ZNF236: variants seen among roughly 807,000 people sequenced by gnomAD.
The protein encoded by ZNF236 is regulated by glucose.
Under a neutral mutation model 191.2 loss-of-function variants are expected in ZNF236, and 50 were observed. The ratio of observed to expected loss-of-function variants is 0.26; its 90% confidence interval spans 0.21 to 0.33. ZNF236 has a LOEUF of 0.33. Among genes scored for constraint, ZNF236 ranks in the 10% least tolerant of loss-of-function variants. The probability of loss-of-function intolerance (pLI) is 1.00; values close to 1 mark genes in which losing one functional copy is unlikely to be tolerated. For synonymous variants in ZNF236, 907 were observed against 928.8 expected (o/e 0.98, Z 0.43); for missense variants, 1,754 against 2,374.5 (o/e 0.74, Z 5.43).
chr18:76,935,088 T>C (rs1272200326), intron 25 of ZNF236, among the ~76,000 whole-genome samples: 2 of 152,250 alleles, frequency 1.3e-5, no homozygotes, highest in Non-Finnish European at 2.9e-5. Context: ...GGGATCTTCA[T>C]TTTCATGCTA....
At chr18:76,871,631 A>G in intron 4 of ZNF236, 70 bp from the exon 5 acceptor site, 1 of 1,584,230 alleles carries the variant, frequency 6.3e-7, no homozygotes, top group Non-Finnish European at 8.6e-7. Context: ...TTCTGGTAGG[A>G]TTTTCATTTT....
At chr18:76,920,551 CA>C (rs36013690) in intron 20 of ZNF236, among the ~76,000 whole-genome samples, 9 of 142,126 alleles carry the variant, frequency 6.3e-5, no homozygotes, top group African/African-American at 7.8e-5. Context: ...AACTCCGTCT[CA>C]AAAAAAAAAA....
In ZNF236 at chr18:76,960,641, T is replaced by C. The variant is rs1568248970; in HGVS notation, c.5243-38T>C. The C allele has an allele frequency of 1.2e-6, 2 of 1,613,436 alleles. No individual in the cohort carries two copies. Among genetic ancestry groups the C allele is most frequent in the South Asian group, 2.2e-5 (2 of 91,042 alleles). On this transcript the variant is annotated intron_variant, in intron 29 of 30. Transcript: ENST00000320610. The surrounding 1 kb of genome is among the most constrained non-coding windows in gnomAD (Gnocchi z 4.4). Reference sequence around the variant, plus strand: ...GTAGAGCCCAGGCATCCACTATACTTTTCTTAGAGACATTGACATATGCCA... The same window carrying C: ...GTAGAGCCCAGGCATCCACTATACTCTTCTTAGAGACATTGACATATGCCA...
intron 27 of ZNF236, among the ~76,000 whole-genome samples, chr18:76,948,133 T>C (rs1968312351): frequency 6.6e-6 from 1 of 152,126 alleles, no homozygotes; most frequent in Non-Finnish European, 1.5e-5. Flanking sequence ...TTAAAATACA[T>C]GTTTTTGGGA....
At chr18:76,851,012 C>G (rs968114315) in intron 2 of ZNF236, among the ~76,000 whole-genome samples, 1 of 147,850 alleles carries the variant, frequency 6.8e-6, no homozygotes, top group Non-Finnish European at 1.5e-5. Context: ...TGAATTTATA[C>G]GCAGCTTTTT....
chr18:76,959,097 G>A (rs1177079302), intron 28 of ZNF236, among the ~76,000 whole-genome samples: 1 of 152,254 alleles, frequency 6.6e-6, no homozygotes, highest in Admixed American at 6.5e-5. Flanking sequence ...CTGGCAAGTT[G>A]CCAATCACAA....
At position 76,972,696 on chromosome 18, in the gene ZNF236, T is replaced by C. The variant is rs1288866401; in HGVS notation, c.*4357T>C. 2.6e-5 allele frequency among the ~76,000 whole-genome samples: 4 copies of C among 152,182 alleles called. No individual in the cohort carries two copies. Among genetic ancestry groups the C allele is most frequent in the African/African-American group, 9.7e-5 (4 of 41,432 alleles). ...CTCAAGTGACATAGGGATTTGTTCT[T>C]GATTCACCACTAAAGAAAATTTTTA... On this transcript the variant is annotated 3_prime_UTR_variant, in exon 31 of 31. Transcript: ENST00000320610.
At chr18:76,890,788 T>C (rs781705477) in intron 9 of ZNF236, among the ~76,000 whole-genome samples, 1 of 152,206 alleles carries the variant, frequency 6.6e-6, no homozygotes, top group East Asian at 1.9e-4. Context: ...TTGTGAGCTA[T>C]ATTTGTGGGA....
chr18:76,890,354 T>C (rs981508836), intron 9 of ZNF236, among the ~76,000 whole-genome samples: 2 of 152,322 alleles, frequency 1.3e-5, no homozygotes, highest in Non-Finnish European at 2.9e-5. Context: ...GTCATCAATA[T>C]CAGGAAATTA....
intron 3 of ZNF236, among the ~76,000 whole-genome samples, chr18:76,852,273 G>A (rs573052287): frequency 2.0e-4 from 31 of 152,314 alleles, no homozygotes; most frequent in Non-Finnish European, 2.9e-4. Context: ...ATGGCCAAAA[G>A]TAACTTTTCT....
intron 3 of ZNF236, among the ~76,000 whole-genome samples, chr18:76,867,860 C>T (rs1201559141): frequency 6.6e-6 from 1 of 152,114 alleles, no homozygotes; most frequent in East Asian, 1.9e-4. Flanking sequence ...CCCAAACTAG[C>T]AGCTTAGCTA....
chr18:76,941,247 AT>A (rs1207771754), intron 26 of ZNF236, among the ~76,000 whole-genome samples: 2 of 152,162 alleles, frequency 1.3e-5, no homozygotes, highest in African/African-American at 4.8e-5. Context: ...TGACCCTGGG[AT>A]GCGCTGTGGC....
At chr18:76,931,800 A>G (rs1488029769) in intron 25 of ZNF236, among the ~76,000 whole-genome samples, 1 of 152,250 alleles carries the variant, frequency 6.6e-6, no homozygotes, top group Non-Finnish European at 1.5e-5. Context: ...AGTTTAGGAT[A>G]ACATACCTAT....
At chr18:76,932,002 T>C (rs764364195) in intron 25 of ZNF236, among the ~76,000 whole-genome samples, 1 of 152,220 alleles carries the variant, frequency 6.6e-6, no homozygotes, top group Non-Finnish European at 1.5e-5. Flanking sequence ...CCATAAAAGA[T>C]TATAGTGTCT....
At chr18:76,870,744 G>A (rs1368251310) in intron 4 of ZNF236, among the ~76,000 whole-genome samples, 2 of 152,040 alleles carry the variant, frequency 1.3e-5, no homozygotes, top group Non-Finnish European at 2.9e-5. Context: ...AGCCTTAGGG[G>A]ACCCACCTTT....
Position 76,963,758 on chromosome 18 carries a change from A to T in ZNF236, c.5419+2903A>T, listed in dbSNP as rs538273159. 3.3e-5 allele frequency among the ~76,000 whole-genome samples: 5 copies of T among 152,194 alleles called. 1 individual carries two copies. Among genetic ancestry groups the T allele is most frequent in the African/African-American group, 1.2e-4 (5 of 41,512 alleles). On this transcript the variant is annotated intron_variant, in intron 30 of 30. Transcript: ENST00000320610. ...TACTATTTCAATCTTGCTGCTTGTT[A>T]TTGGTCTGATCAGGGTATCTAATTC...
chr18:76,903,011 A>G (rs1977642934), intron 11 of ZNF236, among the ~76,000 whole-genome samples: 1 of 152,182 alleles, frequency 6.6e-6, no homozygotes, highest in South Asian at 2.1e-4. Context: ...ATTGTCCAGA[A>G]GGCTTGTGAG....
At chr18:76,834,605 T>C in intron 1 of ZNF236, 1 of 454,080 alleles carries the variant, frequency 2.2e-6, no homozygotes, top group South Asian at 1.9e-5. Flanking sequence ...AATGCCTGTA[T>C]GCACAGTTGT....
intron 25 of ZNF236, among the ~76,000 whole-genome samples, chr18:76,934,046 T>C (rs9807237): frequency 0.016 from 2,407 of 152,320 alleles, 60 homozygotes; most frequent in African/African-American, 0.055. Flanking sequence ...ACAAAACTTA[T>C]GTTGAGCATA....
Sources: gnomAD v4.1 joint callset for allele counts (sites outside exome capture counted in the v4.1 genomes callset) on GRCh38, gnomAD v4.1.1 for gene constraint, Gnocchi (gnomAD v3.1) non-coding constraint, MANE v1.5 for transcripts, NCBI Gene and HGNC (gene_info 2026-07-23, HGNC 2026-07-21) for gene names.